Variants in USP54 observed in about 807,000 individuals in gnomAD.
The protein encoded by USP54 is ubiquitin carboxyl-terminal hydrolase 54.
Under a neutral mutation model 170.5 loss-of-function variants are expected in USP54, and 87 were observed. That is an observed-to-expected ratio of 0.51 (90% CI 0.43 to 0.61). The LOEUF is 0.61. Among genes scored for constraint, USP54 ranks in the 20% least tolerant of loss-of-function variants. USP54 has a pLI of 0.00. For missense variants in USP54, 1,786 were observed against 2,047.8 expected, an observed-to-expected ratio of 0.87 and a Z score of 2.47; for synonymous variants, 655 against 742.8, an observed-to-expected ratio of 0.88 and a Z score of 1.92.
chr10:73,497,912 A>G lies in USP54; in HGVS notation c.*717T>C, dbSNP rs2057343194. The G allele has an allele frequency of 1.3e-5, 2 of 152,302 alleles. No individual in the cohort carries two copies. Among genetic ancestry groups the G allele is most frequent in the Admixed American group, 1.3e-4 (2 of 15,280 alleles). 9.4% of individuals were successfully genotyped at this position (152,302 alleles called of 1,614,324 possible). ...GGTCAGGTAATAGGGATAGGTGGAT[A>G]AAACAAAGAGTAGAAGTTGGGAGTA... On this transcript the variant is annotated 3_prime_UTR_variant, in exon 24 of 24. Coordinates refer to ENST00000687698, the MANE Select transcript of USP54 (RefSeq NM_001391956.1).
intron 1 of USP54, among the ~76,000 whole-genome samples, chr10:73,603,617 G>A (rs535596836): frequency 3.2e-4 from 48 of 151,992 alleles, no homozygotes; most frequent in African/African-American, 6.0e-4. Context: ...GCGTGGTGGC[G>A]CACACCTGTA....
chr10:73,593,061 T>C (rs550378707), upstream of USP54, among the ~76,000 whole-genome samples: 42 of 152,202 alleles, frequency 2.8e-4, no homozygotes, highest in African/African-American at 9.6e-4. Flanking sequence ...AAACTGCCTG[T>C]AGAAAAGGTT....
intron 22 of USP54, chr10:73,504,629 C>A (rs942410663): frequency 1.6e-5 from 10 of 613,026 alleles, no homozygotes; most frequent in East Asian, 3.0e-5. Context: ...CCCTACAACA[C>A]GCACGGCCTT....
At chr10:73,624,190 A>ATG (rs1472248971) in intron 1 of USP54, among the ~76,000 whole-genome samples, 5 of 114,770 alleles carry the variant, frequency 4.4e-5, no homozygotes, top group African/African-American at 1.6e-4. Flanking sequence ...ATATATATAT[A>ATG]TATATGTATT....
In USP54 at chr10:73,516,968, CTA is replaced by C; in HGVS notation, c.3456_3457del (p.Asp1152GlufsTer6). 6.2e-7 allele frequency: 1 copy of C among 1,614,220 alleles called. No homozygotes were observed. The highest frequency in any genetic ancestry group is 8.5e-7 in the Non-Finnish European group (1 of 1,180,044). On this transcript the variant is annotated frameshift_variant, in exon 20 of 24. Transcript: ENST00000687698. LOFTEE classifies it high-confidence loss of function. ...CTTCCTTAGACTACCTGACAAACTTCTATCCTTGAAACCTGTACTATCCCTCA... is the reference window on the plus strand; with the variant it reads ...CTTCCTTAGACTACCTGACAAACTTCTCCTTGAAACCTGTACTATCCCTCA...
rs974575253 is a variant in USP54, at chr10:73,614,258, TTC to T, written c.-18+11307_-18+11308del. ...TAAACAACTGAAAAGAACAGAAATA[TTC>T]AAAAATAAACACATGCAGGCTAGGC... On this transcript the variant is annotated intron_variant, in intron 1 of 22. Transcript: ENST00000339859. 1.1e-4 allele frequency among the ~76,000 whole-genome samples: 17 copies of T among 148,392 alleles called. 2 individuals are homozygous for T. The highest frequency in any genetic ancestry group is 3.4e-4 in the African/African-American group (13 of 38,804).
At position 73,576,578 on chromosome 10, in the gene USP54, G is replaced by C. The variant is rs76199366; in HGVS notation, c.-581-217C>G. Among the ~76,000 whole-genome samples the C allele has an allele frequency of 9.1e-3, 1,380 of 151,304 alleles. 51 individuals are homozygous for C. In the East Asian group the frequency reaches 0.1, roughly 11 times the overall value. ...AAAGGTATGAACAGCTTTACTTTCA[G>C]GGGAAAATTCTCTGAAATTTTCTTG... On this transcript the variant is annotated intron_variant, in intron 1 of 23. Transcript: ENST00000687698.
Position 73,563,870 on chromosome 10 carries a change from G to A in USP54, c.240+7551C>T, listed in dbSNP as rs568465872. Among the ~76,000 whole-genome samples, 51 of 152,100 alleles carry A rather than the reference G, an allele frequency of 3.4e-4. No homozygotes were observed. The South Asian group carries it at 0.01, about 30-fold the overall frequency. On this transcript the variant is annotated intron_variant, in intron 4 of 23. Coordinates refer to ENST00000687698, the MANE Select transcript of USP54 (RefSeq NM_001391956.1). ...TGCATTCTTTATGGAGTCTTTAGAT[G>A]AATGAAAGTTTTTGAATTTTTGTAG...
chr10:73,528,911 T>C (rs1009721814), intron 15 of USP54: 1 of 152,246 alleles, frequency 6.6e-6, no homozygotes, highest in African/African-American at 2.4e-5. Flanking sequence ...TCATCTCATA[T>C]AGTTACCCAT....
At chr10:73,515,292 A>G (rs190150437) in intron 20 of USP54, among the ~76,000 whole-genome samples, 43 of 152,270 alleles carry the variant, frequency 2.8e-4, no homozygotes, top group African/African-American at 9.4e-4. Context: ...TTAAAAAAAA[A>G]GCCAGTTCTC....
chr10:73,521,139 C>A (rs1240800817), intron 17 of USP54, 112 bp from the exon 18 acceptor site: 10 of 1,377,832 alleles, frequency 7.3e-6, no homozygotes, highest in South Asian at 1.3e-5. Context: ...CTGGTCTACC[C>A]TTATTCCAAC....
intron 1 of USP54, among the ~76,000 whole-genome samples, chr10:73,611,148 T>C (rs985269039): frequency 1.3e-5 from 2 of 152,122 alleles, no homozygotes; most frequent in Admixed American, 6.6e-5. Context: ...ATATAAGCCA[T>C]AAAAATAAAA....
At chr10:73,590,072 C>T (rs756062523) in intron 1 of USP54, among the ~76,000 whole-genome samples, 7 of 152,260 alleles carry the variant, frequency 4.6e-5, no homozygotes, top group South Asian at 2.1e-4. Context: ...TTTGGCACTG[C>T]GCTAGGCACT....
At chr10:73,624,261 G>A (rs1273955278) in intron 1 of USP54, among the ~76,000 whole-genome samples, 3 of 142,160 alleles carry the variant, frequency 2.1e-5, no homozygotes, top group African/African-American at 7.9e-5. Flanking sequence ...GCAATGGTGC[G>A]ATCTCGGCTT....
intron 1 of USP54, chr10:73,624,382 T>G (rs1348523753): frequency 1.0e-5 from 1 of 97,926 alleles, no homozygotes; most frequent in Non-Finnish European, 1.9e-5. Context: ...ATTTTTTTAG[T>G]AGAGACGGGG....
At chr10:73,555,207 A>G (rs953085926) in intron 4 of USP54, among the ~76,000 whole-genome samples, 200 of 152,240 alleles carry the variant, frequency 1.3e-3, no homozygotes, top group African/African-American at 4.7e-3. Context: ...TCTTGATCTA[A>G]CTTTGGGGAA....
intron 1 of USP54, among the ~76,000 whole-genome samples, chr10:73,608,588 T>C (rs2079870135): frequency 6.6e-6 from 1 of 152,150 alleles, no homozygotes; most frequent in African/African-American, 2.4e-5. Context: ...ATAAGGGAAG[T>C]GAGGTTCAAA....
chr10:73,527,815 A>T (rs1462989862), intron 15 of USP54, among the ~76,000 whole-genome samples: 1 of 150,248 alleles, frequency 6.7e-6, no homozygotes, highest in Non-Finnish European at 1.5e-5. Context: ...GCCTGGGCAA[A>T]ATGATGAAAC....
intron 1 of USP54, among the ~76,000 whole-genome samples, chr10:73,584,607 G>C (rs75827860): frequency 0.035 from 5,353 of 151,736 alleles, 153 homozygotes; most frequent in South Asian, 0.11. Context: ...AAATGATAGC[G>C]GTCTTGTTAG....
Sources: allele counts gnomAD v4.1 joint callset (sites outside exome capture counted in the v4.1 genomes callset), GRCh38; gene constraint gnomAD v4.1.1; transcripts MANE v1.5; gene names NCBI Gene and HGNC (gene_info 2026-07-23, HGNC 2026-07-21).